Variants in ANKRD28 observed in about 807,000 individuals in gnomAD.
The protein encoded by ANKRD28 is serine/threonine-protein phosphatase 6 regulatory ankyrin repeat subunit A.
A neutral mutation model predicts 126.5 loss-of-function variants in ANKRD28; 44 were observed. The observed-to-expected ratio is 0.35, with a 90% CI of 0.27 to 0.45. ANKRD28 has a LOEUF of 0.45. Ranked by LOEUF, ANKRD28 falls within the 20% of genes least tolerant of loss-of-function variation. The pLI is 1.00. For missense variants in ANKRD28, 1,110 were observed against 1,316.6 expected (o/e 0.84, Z 2.43); for synonymous variants, 442 against 468.5 (o/e 0.94, Z 0.73).
chr3:15,852,534 A>C (rs762070103), intron 1 of ANKRD28, among the ~76,000 whole-genome samples: 7 of 152,212 alleles, frequency 4.6e-5, no homozygotes, highest in Non-Finnish European at 7.3e-5. Context: ...AACCCTTACC[A>C]ATAAGAATGT....
chr3:15,770,557 G>A (rs2058948875), intron 2 of ANKRD28, among the ~76,000 whole-genome samples: 2 of 152,168 alleles, frequency 1.3e-5, no homozygotes, highest in South Asian at 4.1e-4. Flanking sequence ...AGGCAGGCAT[G>A]TGGCTAGGTC....
intron 1 of ANKRD28, among the ~76,000 whole-genome samples, chr3:15,820,230 T>C (rs2060914198): frequency 6.6e-6 from 1 of 152,120 alleles, no homozygotes; most frequent in Non-Finnish European, 1.5e-5. Flanking sequence ...TATGTGTGTA[T>C]ATATATGCAT....
chr3:15,793,669 T>C (rs151170482), intron 2 of ANKRD28, among the ~76,000 whole-genome samples: 132 of 152,302 alleles, frequency 8.7e-4, no homozygotes, highest in African/African-American at 3.1e-3. Context: ...ATGGAAAACA[T>C]GTTTTCCACC....
chr3:15,841,124 G>A (rs1361934836), intron 1 of ANKRD28, among the ~76,000 whole-genome samples: 2 of 152,170 alleles, frequency 1.3e-5, no homozygotes, highest in Admixed American at 6.5e-5. Flanking sequence ...AGGCAACAGA[G>A]CAAGACTGTG....
Position 15,794,615 on chromosome 3 carries a change from A to G in ANKRD28, c.201+608T>C, listed in dbSNP as rs571104881. Reference sequence around the variant, plus strand: ...AACAGAGAGAGAAAATTATCCATATATCCACCTTTCTAAAACTGTCCATCA... The same window carrying G: ...AACAGAGAGAGAAAATTATCCATATGTCCACCTTTCTAAAACTGTCCATCA... On this transcript the variant is annotated intron_variant, in intron 2 of 27. Transcript: ENST00000683139. Among the ~76,000 whole-genome samples the G allele has an allele frequency of 4.6e-5, 7 of 152,332 alleles. No individual in the cohort carries two copies. The South Asian group carries it at 1.5e-3, about 32-fold the overall frequency.
Position 15,853,143 on chromosome 3 carries a change from T to C in ANKRD28, c.27+6234A>G, listed in dbSNP as rs10212448. The stretch of plus-strand genomic sequence containing the variant: ...AATATCCCAGTAACAGTTTAAAACA[T>C]TACTGTTTTAAGTAACTAATAATTT... On this transcript the variant is annotated intron_variant, in intron 1 of 27. Transcript: ENST00000399451. The surrounding 1 kb of genome is among the most constrained non-coding windows in gnomAD (Gnocchi z 4.2). Among the ~76,000 whole-genome samples, 6,239 of 152,244 alleles carry C rather than the reference T, an allele frequency of 0.041. 416 individuals carry two copies. The highest frequency in any genetic ancestry group is 0.14 in the African/African-American group (5,781 of 41,538).
intron 5 of ANKRD28, among the ~76,000 whole-genome samples, chr3:15,735,837 G>A (rs553026756): frequency 1.3e-5 from 2 of 152,248 alleles, no homozygotes; most frequent in South Asian, 4.1e-4. Context: ...TGTTAAAAGT[G>A]CATTCTCATT....
rs531847471 is a variant in ANKRD28 at position 15,851,359 on chromosome 3, C to T, written c.27+8018G>A. 9.9e-5 allele frequency among the ~76,000 whole-genome samples: 15 copies of T among 151,728 alleles called. No homozygotes were observed. In the South Asian group the frequency reaches 2.1e-3, roughly 21 times the overall value. ...AAGTTCAAGGCCAGCCTGGGCAACA[C>T]GGCAAAAACCCATCTCTGCCAAAAA... On this transcript the variant is annotated intron_variant, in intron 1 of 27. Coordinates refer to the ANKRD28 transcript ENST00000399451.
At chr3:15,835,641 T>C (rs2061308929) in intron 1 of ANKRD28, among the ~76,000 whole-genome samples, 1 of 152,202 alleles carries the variant, frequency 6.6e-6, no homozygotes, top group African/African-American at 2.4e-5. Flanking sequence ...GTAAGATACT[T>C]AGAAATTGAC....
intron 6 of ANKRD28, among the ~76,000 whole-genome samples, chr3:15,734,637 T>C (rs933014036): frequency 5.9e-5 from 9 of 152,348 alleles, no homozygotes; most frequent in East Asian, 3.9e-4. Context: ...CCCAGCCTTA[T>C]AGGACTTTAA....
In ANKRD28 at chr3:15,686,195, A is replaced by G. The variant is rs113234997; in HGVS notation, c.2051+27T>C. ...GGTTTTCGAAATACGCCCTTCTGTG[A>G]TGCAACAATTATTTATCGAAACTTA... On this transcript the variant is annotated intron_variant, in intron 19 of 27. Coordinates refer to ENST00000683139, the MANE Select transcript of ANKRD28 (RefSeq NM_001349278.2). 6,956 of 1,589,460 alleles carry G rather than the reference A, an allele frequency of 4.4e-3. 36 individuals carry two copies. Among genetic ancestry groups the G allele is most frequent in the East Asian group, 0.02 (873 of 44,282 alleles).
At chr3:15,731,826 GACA>G (rs1167006619) in intron 6 of ANKRD28, 1 of 100,314 alleles carries the variant, frequency 1.0e-5, no homozygotes, top group Non-Finnish European at 1.8e-5. Context: ...CTCCAGCCTG[GACA>G]ACAAGGGTGA....
chr3:15,721,018 T>C lies in ANKRD28; in HGVS notation c.893A>G (p.Lys298Arg). Reference protein sequence around the residue: ...LIDCGAIVNQKNEKGFTPLHF... With the variant: ...LIDCGAIVNQRNEKGFTPLHF... ...CAAAGGAGTAAATCCTTTTTCATTC[T>C]TTTGATTCACAATAGCACCACAGTC... Residue 298 changes from lysine (K) to arginine (R), a missense_variant, in exon 8 of 28, where the codon AAG becomes AGG. By Grantham distance (26) the Lys-to-Arg change is conservative. Transcript: ENST00000683139. 1 of 1,613,952 alleles carries C rather than the reference T, an allele frequency of 6.2e-7. No individual in the cohort carries two copies. The highest frequency in any genetic ancestry group is 8.5e-7 in the Non-Finnish European group (1 of 1,179,832).
At chr3:15,682,387 A>C (rs899182342) in intron 21 of ANKRD28, among the ~76,000 whole-genome samples, 13 of 152,112 alleles carry the variant, frequency 8.5e-5, no homozygotes, top group Non-Finnish European at 1.8e-4. Context: ...CCCCTTTGTG[A>C]CCTCCAGAAA....
At chr3:15,744,200 T>C (rs2057318232) in intron 4 of ANKRD28, among the ~76,000 whole-genome samples, 1 of 152,256 alleles carries the variant, frequency 6.6e-6, no homozygotes, top group South Asian at 2.1e-4. Flanking sequence ...AAAAGAAAAA[T>C]GATACTCAGT....
chr3:15,814,373 A>C lies in ANKRD28; in HGVS notation c.28-19067T>G, dbSNP rs1013318777. 1.1e-6 allele frequency: 1 copy of C among 874,580 alleles called. No homozygotes were observed. Among genetic ancestry groups the C allele is most frequent in the African/African-American group, 1.8e-5 (1 of 55,462 alleles). 54.2% of individuals were successfully genotyped at this position (874,580 alleles called of 1,614,324 possible). On this transcript the variant is annotated intron_variant, in intron 1 of 27. Transcript: ENST00000399451. This position sits in a 1 kb window ranked among gnomAD's most constrained non-coding sequence, Gnocchi z 4.7. ...GATCCTAGAAATTAAGGGCTATGTTATTTATAAATAACTAGTACCTTAACA... is the reference window on the plus strand; with the variant it reads ...GATCCTAGAAATTAAGGGCTATGTTCTTTATAAATAACTAGTACCTTAACA...
Position 15,797,485 on chromosome 3 carries a change from T to C in ANKRD28, c.-964A>G, listed in dbSNP as rs2060329891. ...AAATGGTGTTAGTGGAGAATCCTAGTAGAACAAGCAGGCTGTGAAGGAATT... is the reference window on the plus strand; with the variant it reads ...AAATGGTGTTAGTGGAGAATCCTAGCAGAACAAGCAGGCTGTGAAGGAATT... On this transcript the variant is annotated 5_prime_UTR_variant, in exon 1 of 28. Transcript: ENST00000683139. The C allele has an allele frequency of 6.3e-5, 62 of 984,594 alleles. No homozygotes were observed. Among genetic ancestry groups the C allele is most frequent in the Non-Finnish European group, 7.5e-5 (62 of 829,864 alleles). 61.0% of individuals were successfully genotyped at this position (984,594 alleles called of 1,614,324 possible).
intron 1 of ANKRD28, among the ~76,000 whole-genome samples, chr3:15,823,291 T>G (rs557991050): frequency 3.3e-5 from 5 of 152,350 alleles, no homozygotes; most frequent in African/African-American, 1.2e-4. Flanking sequence ...CAGGCAGTAA[T>G]GCTCCCTTGA....
intron 24 of ANKRD28, among the ~76,000 whole-genome samples, chr3:15,677,856 C>T (rs115372310): frequency 0.013 from 1,917 of 151,916 alleles, 45 homozygotes; most frequent in African/African-American, 0.044. Context: ...TTTATTTAAC[C>T]CTCACAACAA....
Sources: allele counts gnomAD v4.1 joint callset (sites outside exome capture counted in the v4.1 genomes callset), GRCh38; gene constraint gnomAD v4.1.1; non-coding constraint Gnocchi (gnomAD v3.1); transcripts MANE v1.5; gene names NCBI Gene and HGNC (gene_info 2026-07-23, HGNC 2026-07-21).